The following PKHD1L1 variants were observed in gnomAD, a reference collection of about 807,000 sequenced individuals.
PKHD1L1 encodes the protein PKHD1 like 1, also known as fibrocystin-L.
A neutral mutation model predicts 462.9 loss-of-function variants in PKHD1L1; 434 were observed. The ratio of observed to expected loss-of-function variants is 0.94; its 90% CI spans 0.87 to 1.02. The LOEUF (loss-of-function observed/expected upper bound fraction) is 1.02, where lower values mean the gene tolerates loss of function less well. PKHD1L1 is among the 50% of genes least tolerant of loss of function. The pLI, the probability that PKHD1L1 is intolerant of heterozygous loss-of-function variation, is 0.00. For synonymous variants in PKHD1L1, 1,781 were observed against 1,750.0 expected (o/e 1.02, Z -0.44); for missense variants, 5,202 against 5,096.1 (o/e 1.02, Z -0.63).
chr8:109,363,310 G>A (rs776413899), intron 1 of PKHD1L1, among the ~76,000 whole-genome samples: 2 of 152,074 alleles, frequency 1.3e-5, no homozygotes, highest in Non-Finnish European at 2.9e-5. Context: ...ATGAATGTGC[G>A]GGAATAAGAA....
rs747652354 is a variant in PKHD1L1 at position 109,475,219 on chromosome 8, G to C, written c.8707G>C (p.Val2903Leu). 1 of 1,611,956 alleles carries C rather than the reference G, an allele frequency of 6.2e-7. No homozygotes were observed. Among genetic ancestry groups the C allele is most frequent in the South Asian group, 1.1e-5 (1 of 90,968 alleles). ...ANHINWYFKG[V>L]DHITNISYTS... Reference sequence around the variant, plus strand: ...TCACATTAACTGGTATTTTAAAGGTGTGGATCACATAACCAACATTTCATA... The same window carrying C: ...TCACATTAACTGGTATTTTAAAGGTCTGGATCACATAACCAACATTTCATA... Residue 2903 changes from valine (V) to leucine (L), a missense_variant, in exon 51 of 78, where the codon GTG becomes CTG. Physicochemically the swap from Val to Leu is conservative, Grantham distance 32. Coordinates refer to ENST00000378402, the MANE Select transcript of PKHD1L1 (RefSeq NM_177531.6).
intron 23 of PKHD1L1, 31 bp downstream of exon 23, chr8:109,420,721 G>A (rs943501188): frequency 6.9e-7 from 1 of 1,447,244 alleles, no homozygotes; most frequent in African/African-American, 1.5e-5. Context: ...TAATTTTTAT[G>A]TAGTGAATTT....
chr8:109,447,194 G>A (rs1816194181), intron 38 of PKHD1L1, among the ~76,000 whole-genome samples: 1 of 152,184 alleles, frequency 6.6e-6, no homozygotes, highest in South Asian at 2.1e-4. Context: ...CTGCACTCCA[G>A]CCTGGGCGAC....
Position 109,518,619 on chromosome 8 carries a change from C to A in PKHD1L1, c.12031+111C>A, listed in dbSNP as rs1187957907. The A allele has an allele frequency of 9.5e-6, 8 of 842,784 alleles. 1 individual carries two copies. In the East Asian group the frequency reaches 1.1e-4, roughly 11 times the overall value. The allele number at this position is 842,784 out of a possible 1,614,324, so 52.2% of individuals were successfully genotyped here. On this transcript the variant is annotated intron_variant, in intron 73 of 77. Coordinates refer to ENST00000378402, the MANE Select transcript of PKHD1L1 (RefSeq NM_177531.6). ...GCCTCAGGAAATCCCATCAACCCCACATCCTGAACCCTCTAAGTGCCCAGA... is the reference window on the plus strand; with the variant it reads ...GCCTCAGGAAATCCCATCAACCCCAAATCCTGAACCCTCTAAGTGCCCAGA...
chr8:109,409,781 CTAAT>C, intron 18 of PKHD1L1, 80 bp from the exon 19 acceptor site: 1 of 601,290 alleles, frequency 1.7e-6, no homozygotes, highest in East Asian at 3.4e-5. Flanking sequence ...CCTATTAAAA[CTAAT>C]TAGTAGAATC....
rs146630772 is a variant in PKHD1L1, at chr8:109,444,760, G to A, written c.4891G>A (p.Glu1631Lys). 1,357 of 1,613,958 alleles carry A rather than the reference G, an allele frequency of 8.4e-4. 1 individual carries two copies. Among genetic ancestry groups the A allele is most frequent in the Non-Finnish European group, 1.0e-3 (1,213 of 1,179,872 alleles). The change falls in exon 38 of 78, where the codon GAA (glutamate) becomes AAA (lysine). Residue 1631 changes from glutamate (E) to lysine (K), a missense_variant. Coordinates refer to ENST00000378402, the MANE Select transcript of PKHD1L1 (RefSeq NM_177531.6). ...AAACTCAATGGATGTTGGTATCAGG[G>A]AAACTGTCACTTTGACTGTCTACAA... is the stretch of plus-strand genomic sequence containing the variant. ...PQNSMDVGIRETVTLTVYNLG... is the reference protein window; with the variant it reads ...PQNSMDVGIRKTVTLTVYNLG...
At chr8:109,483,137 A>G (rs1443211082) in intron 57 of PKHD1L1, 32 bp downstream of exon 57, 2 of 1,480,466 alleles carry the variant, frequency 1.4e-6, no homozygotes, top group Non-Finnish European at 1.8e-6. Flanking sequence ...TGGAAAATGA[A>G]TATACACAGT....
At chr8:109,384,505 C>T (rs1432561617) in intron 5 of PKHD1L1, among the ~76,000 whole-genome samples, 1 of 151,940 alleles carries the variant, frequency 6.6e-6, no homozygotes, top group Non-Finnish European at 1.5e-5. Context: ...ATTGAACTTA[C>T]ATGACAGAGC....
At chr8:109,507,565 T>C in intron 68 of PKHD1L1, 98 bp from the exon 69 acceptor site, 1 of 1,000,208 alleles carries the variant, frequency 1.0e-6, no homozygotes, top group South Asian at 1.6e-5. Flanking sequence ...TAAAATTCAA[T>C]AGATCAATTT....
At chr8:109,371,829 T>C (rs1441807083) in intron 2 of PKHD1L1, among the ~76,000 whole-genome samples, 2 of 152,196 alleles carry the variant, frequency 1.3e-5, no homozygotes, top group Non-Finnish European at 1.5e-5. Flanking sequence ...TGCGGCATTA[T>C]TTCTGAGGTC....
rs1487540529 is a variant in PKHD1L1, at chr8:109,534,351, T to C, written c.*4261T>C. ...GGTGGCGGGCACCTGTAGTCTCAGC[T>C]AGTCGGGAGGCTGAGGCAGGAGAAT... is the stretch of plus-strand genomic sequence containing the variant. On this transcript the variant is annotated 3_prime_UTR_variant, in exon 78 of 78. Coordinates refer to ENST00000378402, the MANE Select transcript of PKHD1L1 (RefSeq NM_177531.6). Among the ~76,000 whole-genome samples, 1 of 152,084 alleles carries C rather than the reference T, an allele frequency of 6.6e-6. No homozygotes were observed. Among genetic ancestry groups the C allele is most frequent in the Admixed American group, 6.5e-5 (1 of 15,282 alleles).
At chr8:109,524,386 A>G (rs1820711966) in intron 76 of PKHD1L1, among the ~76,000 whole-genome samples, 1 of 152,166 alleles carries the variant, frequency 6.6e-6, no homozygotes, top group South Asian at 2.1e-4. Context: ...AATGTGTCCC[A>G]CTGCTTTCTG....
intron 5 of PKHD1L1, among the ~76,000 whole-genome samples, chr8:109,384,728 A>G (rs1344174931): frequency 6.6e-6 from 1 of 151,620 alleles, no homozygotes; most frequent in Non-Finnish European, 1.5e-5. Context: ...TGACAATTCT[A>G]GGTACTATTT....
In PKHD1L1 at chr8:109,392,472, G is replaced by A. The variant is rs1164385733; in HGVS notation, c.741-1943G>A. The stretch of plus-strand genomic sequence containing the variant: ...TACTGCATTAAATTGTTGATTCTGT[G>A]GACTCAATTTATAATTCCACCCCCC... On this transcript the variant is annotated intron_variant, in intron 9 of 77. Coordinates refer to ENST00000378402, the MANE Select transcript of PKHD1L1 (RefSeq NM_177531.6). Among the ~76,000 whole-genome samples, 9 of 151,816 alleles carry A rather than the reference G, an allele frequency of 5.9e-5. No homozygotes were observed. The East Asian group carries it at 1.7e-3, about 29-fold the overall frequency.
At chr8:109,390,581 C>G in intron 9 of PKHD1L1, 87 bp downstream of exon 9, 1 of 725,114 alleles carries the variant, frequency 1.4e-6, no homozygotes, top group Non-Finnish European at 2.1e-6. Flanking sequence ...GCTGTAGATG[C>G]AGAGGTTTAA....
At position 109,427,086 on chromosome 8, in the gene PKHD1L1, A is replaced by G. The variant is rs375215741; in HGVS notation, c.2930A>G (p.Glu977Gly). Residue 977 changes from glutamate (E) to glycine (G), a missense_variant, in exon 25 of 78, where the codon GAG becomes GGG. By Grantham distance (98) the Glu-to-Gly change is moderately conservative. Transcript: ENST00000378402. ...ATGGGAAGAATCTCAGTTACACGAG[A>G]GGGAACCTGTGCTGGCTACGCGTGG... is the stretch of plus-strand genomic sequence containing the variant. ...EGMGRISVTR[E>G]GTCAGYAWNI... 1 of 1,613,868 alleles carries G rather than the reference A, an allele frequency of 6.2e-7. No individual in the cohort carries two copies. Among genetic ancestry groups the G allele is most frequent in the Non-Finnish European group, 8.5e-7 (1 of 1,179,882 alleles).
At chr8:109,473,329 T>C (rs1199373526) in intron 50 of PKHD1L1, among the ~76,000 whole-genome samples, 1 of 151,692 alleles carries the variant, frequency 6.6e-6, no homozygotes, top group Non-Finnish European at 1.5e-5. Context: ...CTGGCCAACA[T>C]AGGTGAAACC....
chr8:109,482,944 G>A (rs1465581088), intron 56 of PKHD1L1, 43 bp from the exon 57 acceptor site: 9 of 1,268,658 alleles, frequency 7.1e-6, no homozygotes. Context: ...ACCTAACTCA[G>A]TACTGTGGGG....
Position 109,384,492 on chromosome 8 carries a change from A to G in PKHD1L1, c.475+365A>G, listed in dbSNP as rs1001623112. Among the ~76,000 whole-genome samples the G allele has an allele frequency of 7.2e-5, 11 of 152,104 alleles. No homozygotes were observed. The East Asian group carries it at 7.7e-4, about 11-fold the overall frequency. On this transcript the variant is annotated intron_variant, in intron 5 of 77. Transcript: ENST00000378402. ...CAGGAGTGTGAGGCTGCAGTGAGAC[A>G]TGATTGAACTTACATGACAGAGCAA...
Sources: gnomAD v4.1 joint callset for allele counts (sites outside exome capture counted in the v4.1 genomes callset) on GRCh38, gnomAD v4.1.1 for gene constraint, MANE v1.5 for transcripts, NCBI Gene and HGNC (gene_info 2026-07-23, HGNC 2026-07-21) for gene names.